The following CPLANE1 variants were observed in gnomAD, a reference collection of about 807,000 sequenced individuals.
CPLANE1 encodes ciliogenesis and planar polarity effector 1.
In CPLANE1, 263 loss-of-function variants were observed where a neutral mutation model predicts 362.5. That is an observed-to-expected ratio of 0.73 (90% confidence interval 0.66 to 0.80). The LOEUF (loss-of-function observed/expected upper bound fraction) is 0.80, where lower values mean the gene tolerates loss of function less well. Among genes scored for constraint, CPLANE1 ranks in the 30% least tolerant of loss-of-function variants. CPLANE1 has a pLI of 0.00. For synonymous variants in CPLANE1, 1,212 were observed against 1,302.6 expected (o/e 0.93, Z 1.50); for missense variants, 3,461 against 3,793.4 (o/e 0.91, Z 2.30).
chr5:37,170,947 AAGAC>A (rs1229354425), intron 32 of CPLANE1, among the ~76,000 whole-genome samples: 5 of 152,132 alleles, frequency 3.3e-5, no homozygotes, highest in Admixed American at 6.5e-5. Flanking sequence ...CACACGAAAA[AAGAC>A]AGATTCCCAG....
intron 38 of CPLANE1, 117 bp from the exon 39 acceptor site, chr5:37,158,462 A>C (rs1467966646): frequency 2.0e-6 from 2 of 992,114 alleles, no homozygotes; most frequent in Non-Finnish European, 2.9e-6. Flanking sequence ...ACTTCTTGAA[A>C]TCTAAGTAGA....
At chr5:37,247,338 T>C (rs1024413906) in intron 2 of CPLANE1, among the ~76,000 whole-genome samples, 3 of 152,194 alleles carry the variant, frequency 2.0e-5, no homozygotes, top group African/African-American at 7.2e-5. Flanking sequence ...CATCTCAACT[T>C]AACTTAAACT....
chr5:37,227,349 C>A lies in CPLANE1; in HGVS notation c.1415G>T (p.Arg472Met). ...GLNLRSLNSL[R>M]SSLLEHQGNE... ...TCCTTGGTGTTCTAACAGGCTAGAC[C>A]TTAGGGAATTCAGTGATCGCAAGTT... Residue 472 changes from arginine to methionine, a missense_variant, in exon 11 of 53, where the codon AGG (arginine) becomes ATG (methionine). Arg to Met is a moderately conservative substitution (Grantham distance 91, BLOSUM62 -1). Coordinates refer to ENST00000651892, the MANE Select transcript of CPLANE1 (RefSeq NM_001384732.1). 2.6e-6 allele frequency: 4 copies of A among 1,550,494 alleles called. No homozygotes were observed. The highest frequency in any genetic ancestry group is 3.5e-6 in the Non-Finnish European group (4 of 1,146,442).
At chr5:37,127,846 T>C (rs1420527668) in intron 46 of CPLANE1, among the ~76,000 whole-genome samples, 2 of 152,062 alleles carry the variant, frequency 1.3e-5, no homozygotes, top group Non-Finnish European at 2.9e-5. Flanking sequence ...TATTTATTTA[T>C]TTATTTGTGT....
Position 37,108,330 on chromosome 5 carries a change from T to C in CPLANE1, c.9542A>G (p.His3181Arg), listed in dbSNP as rs144698212. The change falls in exon 52 of 53, where the codon CAT (histidine) becomes CGT (arginine). Residue 3181 changes from histidine to arginine, a missense_variant. By Grantham distance (29) the His-to-Arg change is conservative (BLOSUM62 0). This residue lies in a region of CPLANE1 where 81 missense variants were observed against 127.3 expected (regional missense o/e 0.64). Coordinates refer to ENST00000651892, the MANE Select transcript of CPLANE1 (RefSeq NM_001384732.1). Reference sequence around the variant, plus strand: ...ATTGTGACTCTCATGAAGAATCTTATGGATTTCTGAAGGTATCGTCCAGGG... The same window carrying C: ...ATTGTGACTCTCATGAAGAATCTTACGGATTTCTGAAGGTATCGTCCAGGG... ...VSPWTIPSEI[H>R]KILHESHNSL... 9.4e-5 allele frequency: 152 copies of C among 1,614,210 alleles called. No individual in the cohort carries two copies. The highest frequency in any genetic ancestry group is 3.3e-4 in the Middle Eastern group (2 of 6,060).
chr5:37,098,722 CAA>C, the CPLANE1 span, among the ~76,000 whole-genome samples: 1 of 150,418 alleles, frequency 6.6e-6, no homozygotes, highest in East Asian at 2.0e-4. Context: ...ACATTAATAA[CAA>C]GAGAAACTTT....
At chr5:37,207,942 T>C (rs1476165026) in intron 16 of CPLANE1, among the ~76,000 whole-genome samples, 1 of 152,028 alleles carries the variant, frequency 6.6e-6, no homozygotes, top group Non-Finnish European at 1.5e-5. Context: ...TTTGTTGTTG[T>C]TGTTTTTGTT....
chr5:37,139,708 G>T, intron 44 of CPLANE1: 1 of 400,112 alleles, frequency 2.5e-6, no homozygotes, highest in Non-Finnish European at 3.4e-6. Flanking sequence ...GTGCCGCAAT[G>T]CAGGCTAATT....
intron 52 of CPLANE1, among the ~76,000 whole-genome samples, chr5:37,108,020 C>T (rs372980235): frequency 6.6e-6 from 1 of 152,104 alleles, no homozygotes; most frequent in South Asian, 2.1e-4. Flanking sequence ...CAGGGCAGAA[C>T]GGATGTTGAT....
At chr5:37,210,535 CA>C in intron 16 of CPLANE1, 1 of 1,451,146 alleles carries the variant, frequency 6.9e-7, no homozygotes. Flanking sequence ...GCTTTTAATT[CA>C]AAAAAGGAGG....
intron 21 of CPLANE1, among the ~76,000 whole-genome samples, chr5:37,195,471 T>C (rs1361199839): frequency 6.6e-6 from 1 of 151,720 alleles, no homozygotes; most frequent in East Asian, 1.9e-4. Context: ...TGTGGTGGTG[T>C]GCACCTGTCA....
At chr5:37,148,058 A>C (rs530878100) in intron 43 of CPLANE1, 123 bp downstream of exon 43, 1 of 464,008 alleles carries the variant, frequency 2.2e-6, no homozygotes, top group South Asian at 7.2e-5. Flanking sequence ...AAAACTGGGA[A>C]GCTTATGACT....
rs182679893 is a variant in CPLANE1, at chr5:37,139,552, T to C, written c.8633-182A>G. On this transcript the variant is annotated intron_variant, in intron 44 of 52. Transcript: ENST00000651892. ...CCTGAATATGCTATCTGATAGTGAA[T>C]ACTGTCTACATATTTTTTGAGACCA... is the stretch of plus-strand genomic sequence containing the variant. 170 of 1,113,582 alleles carry C rather than the reference T, an allele frequency of 1.5e-4. 1 individual carries two copies. The Middle Eastern group carries it at 3.2e-3, about 21-fold the overall frequency. The allele number at this position is 1,113,582 out of a possible 1,614,324, so 69.0% of individuals were successfully genotyped here.
chr5:37,184,893 C>G lies in CPLANE1; in HGVS notation c.4376G>C (p.Arg1459Thr), dbSNP rs146075582. 2.5e-5 allele frequency: 41 copies of G among 1,614,018 alleles called. No individual in the cohort carries two copies. The African/African-American group carries it at 5.5e-4, about 22-fold the overall frequency. The stretch of plus-strand genomic sequence containing the variant: ...ATCTCCTAGTTCTGTGAGTGTACTT[C>G]TGCTCAAACTAGTCCCCAGGGAATA... ...DRYSLGTSLS[R>T]STLTELGDSV... The change falls in exon 25 of 53, where the codon AGA (arginine) becomes ACA (threonine). Residue 1459 changes from arginine (R) to threonine (T), a missense_variant. This residue lies in a region of CPLANE1 where 3,380 missense variants were observed against 3,666.1 expected (regional missense o/e 0.92). Coordinates refer to ENST00000651892, the MANE Select transcript of CPLANE1 (RefSeq NM_001384732.1).
chr5:37,097,520 T>C, the CPLANE1 span, among the ~76,000 whole-genome samples: 15 of 152,232 alleles, frequency 9.9e-5, no homozygotes, highest in East Asian at 2.9e-3. Context: ...TACAGGAAGC[T>C]CAGACACCCA....
chr5:37,089,346 A>G, the CPLANE1 span, among the ~76,000 whole-genome samples: 4 of 152,102 alleles, frequency 2.6e-5, no homozygotes, highest in Admixed American at 6.5e-5. Flanking sequence ...GATGGGACCT[A>G]TTAGCCCAAT....
downstream of CPLANE1, among the ~76,000 whole-genome samples, chr5:37,105,401 T>C (rs1476164178): frequency 6.6e-6 from 1 of 152,198 alleles, no homozygotes; most frequent in Non-Finnish European, 1.5e-5. Context: ...GGTAAAGCTA[T>C]CAAGAACATA....
At chr5:37,232,406 T>C (rs1797910758) in intron 8 of CPLANE1, among the ~76,000 whole-genome samples, 1 of 151,016 alleles carries the variant, frequency 6.6e-6, no homozygotes, top group South Asian at 2.1e-4. Flanking sequence ...TAATCCCAGC[T>C]ACTCGGGAGG....
chr5:37,215,490 T>C (rs1450287453), intron 15 of CPLANE1, among the ~76,000 whole-genome samples: 2 of 152,136 alleles, frequency 1.3e-5, no homozygotes, highest in African/African-American at 4.8e-5. Flanking sequence ...CAGTAGGCTA[T>C]TAATGGTTAA....
Sources: gnomAD v4.1 joint callset for allele counts (sites outside exome capture counted in the v4.1 genomes callset) on GRCh38, gnomAD v4.1.1 for gene constraint, gnomAD v4.1.1 regional missense constraint, MANE v1.5 for transcripts, NCBI Gene and HGNC (gene_info 2026-07-23, HGNC 2026-07-21) for gene names.